Variants in CPEB1 observed in about 807,000 individuals in gnomAD.
CPEB1 encodes cytoplasmic polyadenylation element-binding protein 1.
A neutral mutation model predicts 65.8 loss-of-function variants in CPEB1; 7 were observed. That is an observed-to-expected ratio of 0.11 (90% CI 0.06 to 0.20). The LOEUF is 0.20. Ranked by LOEUF, CPEB1 falls within the 10% of genes least tolerant of loss-of-function variation. The pLI is 1.00. For missense variants in CPEB1, 551 were observed against 712.2 expected (o/e 0.77, Z 2.58); for synonymous variants, 262 against 260.0 (o/e 1.01, Z -0.08).
intron 4 of CPEB1, among the ~76,000 whole-genome samples, chr15:82,570,722 A>AG (rs1262662569): frequency 2.0e-5 from 3 of 151,690 alleles, no homozygotes; most frequent in Non-Finnish European, 4.4e-5. Flanking sequence ...CTCAACACAA[A>AG]GGGAAAAAAA....
chr15:82,570,965 T>G (rs1035729876), intron 4 of CPEB1, among the ~76,000 whole-genome samples: 3 of 152,170 alleles, frequency 2.0e-5, no homozygotes, highest in African/African-American at 7.2e-5. Context: ...AATCAACCCC[T>G]TAACTCCCCT....
intron 10 of CPEB1, 51 bp from the exon 11 acceptor site, chr15:82,547,288 ACTTT>A (rs2035402945): frequency 9.3e-6 from 6 of 642,720 alleles, no homozygotes; most frequent in African/African-American, 5.3e-5. Context: ...CCCAAATGCT[ACTTT>A]TTTTTTTTTT....
chr15:82,565,719 A>C (rs1463922401), intron 4 of CPEB1, among the ~76,000 whole-genome samples: 1 of 152,236 alleles, frequency 6.6e-6, no homozygotes, highest in African/African-American at 2.4e-5. Context: ...AATAACGGCC[A>C]AGGCCCTGAC....
intron 3 of CPEB1, among the ~76,000 whole-genome samples, chr15:82,582,037 G>C (rs1042161990): frequency 6.6e-6 from 1 of 152,182 alleles, no homozygotes; most frequent in African/African-American, 2.4e-5. Context: ...TGATGCCAAA[G>C]GATGTGAGCA....
At chr15:82,606,531 T>G (rs113327291) in intron 3 of CPEB1, among the ~76,000 whole-genome samples, 1 of 104,400 alleles carries the variant, frequency 9.6e-6, no homozygotes, top group African/African-American at 3.9e-5. Flanking sequence ...TAAAAATACA[T>G]AGTAAGGCCG....
intron 10 of CPEB1, among the ~76,000 whole-genome samples, chr15:82,548,096 G>A (rs775285485): frequency 3.3e-5 from 5 of 152,072 alleles, no homozygotes; most frequent in Non-Finnish European, 5.9e-5. Context: ...CAGTGCTTTG[G>A]GAGGCCAAGG....
At chr15:82,641,527 T>A (rs2047116985) in intron 1 of CPEB1, 1 of 152,184 alleles carries the variant, frequency 6.6e-6, no homozygotes, top group Non-Finnish European at 1.5e-5. Flanking sequence ...CATATTATGC[T>A]GGCCAAGAAT....
At chr15:82,606,817 C>CAAAAAAAAAAAAAAAAAAAAAAAAA (rs56078202) in intron 3 of CPEB1, among the ~76,000 whole-genome samples, 1 of 82,948 alleles carries the variant, frequency 1.2e-5, no homozygotes, top group African/African-American at 4.8e-5. Context: ...GACTCCGTCT[C>CAAAAAAAAAAAAAAAAAAAAAAAAA]AAAAAAAAAA....
Position 82,547,156 on chromosome 15 carries a change from T to C in CPEB1, c.1562A>G (p.Lys521Arg). Residue 521 changes from lysine (K) to arginine (R), a missense_variant, in exon 11 of 13, where the codon AAG (lysine) becomes AGG (arginine). Physicochemically the swap from Lys to Arg is conservative, Grantham distance 26. Coordinates refer to ENST00000684509, the MANE Select transcript of CPEB1 (RefSeq NM_001365242.1). ...CAGCCAACTCACCTTCTTTGTGAAC[T>C]TGGTGGTTTTGATCTCCACAAAAGC... ...SAAFVEIKTT[K>R]FTKKVQIDPY... 1.2e-6 allele frequency: 2 copies of C among 1,612,688 alleles called. No homozygotes were observed. Among genetic ancestry groups the C allele is most frequent in the South Asian group, 2.2e-5 (2 of 90,938 alleles).
intron 3 of CPEB1, among the ~76,000 whole-genome samples, chr15:82,625,204 C>T (rs1448180587): frequency 6.6e-6 from 1 of 152,038 alleles, no homozygotes; most frequent in Non-Finnish European, 1.5e-5. Context: ...AAGATGACTC[C>T]CTGAACTTTT....
At chr15:82,595,965 G>A (rs905231169) in intron 3 of CPEB1, among the ~76,000 whole-genome samples, 1 of 152,156 alleles carries the variant, frequency 6.6e-6, no homozygotes, top group African/African-American at 2.4e-5. Flanking sequence ...AGAAACTAGA[G>A]GGGGCCGAGG....
chr15:82,619,403 C>T (rs2151287469), intron 3 of CPEB1, among the ~76,000 whole-genome samples: 1 of 152,292 alleles, frequency 6.6e-6, no homozygotes, highest in East Asian at 1.9e-4. Context: ...AAACAGGCCA[C>T]AAGCATTAAA....
chr15:82,614,879 G>GTATA (rs201830435), intron 3 of CPEB1, among the ~76,000 whole-genome samples: 14,890 of 113,096 alleles, frequency 0.13, 818 homozygotes, highest in Middle Eastern at 0.17. Flanking sequence ...GTGTGTGTGT[G>GTATA]TATATATATA....
intron 3 of CPEB1, among the ~76,000 whole-genome samples, chr15:82,590,975 A>G (rs1326411509): frequency 6.6e-6 from 1 of 152,214 alleles, no homozygotes; most frequent in Non-Finnish European, 1.5e-5. Flanking sequence ...TGCAATGAAC[A>G]TATGTGTGCA....
chr15:82,555,930 CGAG>C lies in CPEB1; in HGVS notation c.877_879del (p.Leu293del), dbSNP rs1567173972. ...ATGCTGAAGGGGTCTTTGGGAGCTT[CGAG>C]GAGGTCCCAGGATGGCCACACAGAA... On this transcript the variant is annotated inframe_deletion, in exon 6 of 13. Coordinates refer to ENST00000684509, the MANE Select transcript of CPEB1 (RefSeq NM_001365242.1). 9.9e-6 allele frequency: 16 copies of C among 1,613,470 alleles called. No homozygotes were observed. Among genetic ancestry groups the C allele is most frequent in the Non-Finnish European group, 8.5e-7 (1 of 1,179,794 alleles).
Position 82,553,922 on chromosome 15 carries a change from G to C in CPEB1, c.1010C>G (p.Ser337Cys). The C allele has an allele frequency of 6.2e-7, 1 of 1,612,940 alleles. No homozygotes were observed. Among genetic ancestry groups the C allele is most frequent in the South Asian group, 1.1e-5 (1 of 90,884 alleles). ...AACACCTCCTAGAAACACCTTGCAA[G>C]AGTAGATGGGGTTCTTATAGTTCCG... ...PPRNYKNPIY[S>C]CKVFLGGVPW... The change falls in exon 7 of 13, where the codon TCT becomes TGT. Residue 337 changes from serine to cysteine, a missense_variant. Coordinates refer to ENST00000684509, the MANE Select transcript of CPEB1 (RefSeq NM_001365242.1).
At chr15:82,602,854 A>C (rs1178307077) in intron 3 of CPEB1, among the ~76,000 whole-genome samples, 2 of 152,034 alleles carry the variant, frequency 1.3e-5, no homozygotes, top group African/African-American at 2.4e-5. Flanking sequence ...CAAAAACTAA[A>C]TAAATAAAAA....
intron 3 of CPEB1, among the ~76,000 whole-genome samples, chr15:82,603,091 T>C (rs181673178): frequency 5.9e-5 from 9 of 152,202 alleles, no homozygotes; most frequent in African/African-American, 1.9e-4. Context: ...ACATTCTTTG[T>C]GGCCTTTTAA....
intron 1 of CPEB1, chr15:82,638,607 G>A (rs773704080): frequency 6.6e-6 from 1 of 151,944 alleles, no homozygotes; most frequent in African/African-American, 2.4e-5. Flanking sequence ...ACCCAAAGTT[G>A]AATAACCATA....
Sources: allele counts gnomAD v4.1 joint callset (sites outside exome capture counted in the v4.1 genomes callset), GRCh38; gene constraint gnomAD v4.1.1; transcripts MANE v1.5; gene names NCBI Gene and HGNC (gene_info 2026-07-23, HGNC 2026-07-21).